Variants in VPS50 observed in about 807,000 individuals in gnomAD.
VPS50 encodes the protein VPS50 subunit of EARP/GARPII complex, also known as syndetin.
A neutral mutation model predicts 139.7 loss-of-function variants in VPS50; 70 were observed. The ratio of observed to expected loss-of-function variants is 0.50; its 90% CI spans 0.41 to 0.61. The LOEUF is 0.61. Ranked by LOEUF, VPS50 falls within the 20% of genes least tolerant of loss-of-function variation. The pLI is 0.00. For synonymous variants in VPS50, 365 were observed against 376.7 expected (o/e 0.97, Z 0.36); for missense variants, 921 against 1,133.7 (o/e 0.81, Z 2.69).
rs1397994207 is a variant in VPS50 at position 93,253,912 on chromosome 7, T to G, written c.278T>G (p.Leu93Trp). 1 of 1,595,542 alleles carries G rather than the reference T, an allele frequency of 6.3e-7. No homozygotes were observed. The highest frequency in any genetic ancestry group is 8.6e-7 in the Non-Finnish European group (1 of 1,166,792). Residue 93 changes from leucine (L) to tryptophan (W), a missense_variant, in exon 4 of 28, where the codon TTG becomes TGG. By Grantham distance (61) the Leu-to-Trp change is moderately conservative. Coordinates refer to ENST00000305866, the MANE Select transcript of VPS50 (RefSeq NM_017667.4). ...LQELEAYRDKLKQQQAAVSKK... is the reference protein window; with the variant it reads ...LQELEAYRDKWKQQQAAVSKK... ...GAATTAGAGGCGTATAGAGACAAAT[T>G]GAAACAACAGCAAGCTGCAGTAAGT...
intron 16 of VPS50, among the ~76,000 whole-genome samples, chr7:93,300,850 AAG>A (rs1375935354): frequency 1.3e-5 from 2 of 151,952 alleles, no homozygotes; most frequent in Non-Finnish European, 2.9e-5. Context: ...AAAATGCAGA[AAG>A]AGAAAATTTC....
intron 25 of VPS50, among the ~76,000 whole-genome samples, chr7:93,351,308 A>G (rs1252496008): frequency 6.6e-6 from 1 of 152,196 alleles, no homozygotes; most frequent in East Asian, 1.9e-4. Flanking sequence ...TTCAATTGCA[A>G]ATTTTCATTT....
chr7:93,346,252 G>C (rs1798390357), intron 23 of VPS50, among the ~76,000 whole-genome samples: 1 of 152,082 alleles, frequency 6.6e-6, no homozygotes, highest in African/African-American at 2.4e-5. Context: ...AAATACCTAG[G>C]AATCCAACTT....
intron 14 of VPS50, 68 bp downstream of exon 14, chr7:93,294,704 T>C: frequency 1.6e-6 from 2 of 1,279,714 alleles, no homozygotes; most frequent in Admixed American, 2.3e-5. Context: ...TTTTAGAAAT[T>C]CAGTTTTAAG....
rs913194904 is a variant in VPS50, at chr7:93,302,349, CT to C, written c.1362-1100del. Reference sequence around the variant, plus strand: ...CTCTTATGATCTTTTCTGTTTCTTCCTTTTTTTTTTTCAAATTTTTGCTTCA... The same window carrying C: ...CTCTTATGATCTTTTCTGTTTCTTCCTTTTTTTTTTCAAATTTTTGCTTCA... On this transcript the variant is annotated intron_variant, in intron 16 of 27. Coordinates refer to ENST00000305866, the MANE Select transcript of VPS50 (RefSeq NM_017667.4). Among the ~76,000 whole-genome samples the C allele has an allele frequency of 4.4e-3, 615 of 140,756 alleles. 1 individual carries two copies. Among genetic ancestry groups the C allele is most frequent in the Admixed American group, 8.2e-3 (116 of 14,116 alleles). 92.3% of individuals were successfully genotyped at this position (140,756 alleles called of 152,430 possible).
intron 25 of VPS50, among the ~76,000 whole-genome samples, chr7:93,352,789 G>A (rs1798595653): frequency 6.6e-6 from 1 of 152,016 alleles, no homozygotes; most frequent in South Asian, 2.1e-4. Context: ...GTATGATCAT[G>A]TCATAAAAGA....
chr7:93,272,471 A>G (rs1458473567), intron 10 of VPS50, among the ~76,000 whole-genome samples, 164 bp from the exon 11 acceptor site: 1 of 151,922 alleles, frequency 6.6e-6, no homozygotes, highest in Non-Finnish European at 1.5e-5. Context: ...TACAATTGCA[A>G]TTTATAACTT....
At position 93,360,001 on chromosome 7, in the gene VPS50, T is replaced by C. The variant is rs1481844550; in HGVS notation, c.*1565T>C. On this transcript the variant is annotated 3_prime_UTR_variant, in exon 28 of 28. Coordinates refer to ENST00000305866, the MANE Select transcript of VPS50 (RefSeq NM_017667.4). ...GTGGCTAGATTATATACTTGTGAAG[T>C]AGATTCTGCCTGTAGCCATTATTTA... is the stretch of plus-strand genomic sequence containing the variant. 6.6e-6 allele frequency: 1 copy of C among 152,170 alleles called. No homozygotes were observed. The highest frequency in any genetic ancestry group is 2.4e-5 in the African/African-American group (1 of 41,446). 9.4% of individuals were successfully genotyped at this position (152,170 alleles called of 1,614,324 possible). A position where few individuals can be genotyped will look rare whatever the true frequency, so the allele number is the denominator to read the frequency against.
At chr7:93,327,941 T>G (rs1797828964) in intron 21 of VPS50, among the ~76,000 whole-genome samples, 1 of 152,188 alleles carries the variant, frequency 6.6e-6, no homozygotes, top group South Asian at 2.1e-4. Context: ...ATGCTTCTTG[T>G]GGAAAAATAA....
chr7:93,235,277 G>GT (rs1256269334), intron 1 of VPS50, among the ~76,000 whole-genome samples: 1 of 152,108 alleles, frequency 6.6e-6, no homozygotes, highest in African/African-American at 2.4e-5. Context: ...TTAGGATGAG[G>GT]TTAGATGACT....
chr7:93,264,137 A>G (rs1338318595), intron 9 of VPS50, among the ~76,000 whole-genome samples: 4 of 152,176 alleles, frequency 2.6e-5, no homozygotes, highest in Non-Finnish European at 5.9e-5. Flanking sequence ...TGATGCACCC[A>G]GTTGGTTGAA....
At chr7:93,312,691 T>A (rs1257951601) in intron 20 of VPS50, among the ~76,000 whole-genome samples, 1 of 152,124 alleles carries the variant, frequency 6.6e-6, no homozygotes, top group Non-Finnish European at 1.5e-5. Flanking sequence ...CTATTTCCTC[T>A]ATCTTCCATT....
At chr7:93,299,631 T>G (rs1796917913) in intron 16 of VPS50, among the ~76,000 whole-genome samples, 2 of 152,132 alleles carry the variant, frequency 1.3e-5, no homozygotes, top group African/African-American at 2.4e-5. Context: ...CAGTTTTGTT[T>G]TGGTGGAACA....
chr7:93,252,974 C>T (rs1242009798), intron 3 of VPS50, among the ~76,000 whole-genome samples, 199 bp downstream of exon 3: 1 of 152,094 alleles, frequency 6.6e-6, no homozygotes, highest in Non-Finnish European at 1.5e-5. Flanking sequence ...TTAAATACAA[C>T]CGTTCAGGGA....
chr7:93,263,402 A>C (rs1402323173), intron 9 of VPS50, among the ~76,000 whole-genome samples: 2 of 152,196 alleles, frequency 1.3e-5, no homozygotes, highest in East Asian at 1.9e-4. Context: ...TTTTGAGAGA[A>C]TCACCCCATG....
At chr7:93,318,124 TATGAG>T (rs1363955129) in intron 20 of VPS50, among the ~76,000 whole-genome samples, 7 of 151,618 alleles carry the variant, frequency 4.6e-5, no homozygotes, top group Admixed American at 6.6e-5. Context: ...AGGATAATAC[TATGAG>T]ATAACATATA....
At chr7:93,288,142 C>G (rs531271487) in intron 12 of VPS50, among the ~76,000 whole-genome samples, 11 of 152,178 alleles carry the variant, frequency 7.2e-5, no homozygotes, top group African/African-American at 2.6e-4. Context: ...TATTCACTAT[C>G]ATGAGAACAG....
chr7:93,316,845 G>A (rs1797442617), intron 20 of VPS50, among the ~76,000 whole-genome samples: 1 of 152,188 alleles, frequency 6.6e-6, no homozygotes, highest in African/African-American at 2.4e-5. Flanking sequence ...ACTTCTGTCT[G>A]ATTTTCTATG....
chr7:93,311,371 C>T, intron 20 of VPS50, 99 bp downstream of exon 20: 1 of 681,458 alleles, frequency 1.5e-6, no homozygotes, highest in Non-Finnish European at 2.6e-6. Context: ...TACTCCAGTG[C>T]TCTATGCAAT....
Sources: gnomAD v4.1 joint callset for allele counts (sites outside exome capture counted in the v4.1 genomes callset) on GRCh38, gnomAD v4.1.1 for gene constraint, MANE v1.5 for transcripts, NCBI Gene and HGNC (gene_info 2026-07-23, HGNC 2026-07-21) for gene names.